FAM222B: variants seen among roughly 807,000 people sequenced by gnomAD.
FAM222B encodes protein FAM222B.
In FAM222B, 12 loss-of-function variants were observed where a neutral mutation model predicts 38.0. The observed-to-expected ratio is 0.32, with a 90% CI of 0.20 to 0.51. The LOEUF (loss-of-function observed/expected upper bound fraction) is 0.51, where lower values mean the gene tolerates loss of function less well. Among genes scored for constraint, FAM222B ranks in the 20% least tolerant of loss-of-function variants. The pLI is 0.97. For missense variants in FAM222B, 716 were observed against 754.2 expected, an observed-to-expected ratio of 0.95 and a Z score of 0.59; for synonymous variants, 329 against 317.2, an observed-to-expected ratio of 1.04 and a Z score of -0.40.
rs375208934 is a variant in FAM222B, at chr17:28,758,987, G to A, written c.972C>T (p.Val324=). 142 of 1,612,312 alleles carry A rather than the reference G, an allele frequency of 8.8e-5. No individual in the cohort carries two copies. The highest frequency in any genetic ancestry group is 1.1e-4 in the Non-Finnish European group (135 of 1,179,268). Residue 324 remains valine, a synonymous_variant, in exon 3 of 3, where the codon GTC becomes GTT. Coordinates refer to ENST00000581407, the MANE Select transcript of FAM222B (RefSeq NM_001077498.3). The part of the protein sequence containing the change: ...SVPTPMPSCV[V]NPMEHTHAAT... ...CCGCGTGGGTGTGCTCCATGGGATTGACCACACATGAAGGCATTGGTGTGG... is the reference window on the plus strand; with the variant it reads ...CCGCGTGGGTGTGCTCCATGGGATTAACCACACATGAAGGCATTGGTGTGG...
chr17:28,851,888 A>C (rs1240325322), intron 1 of FAM222B, among the ~76,000 whole-genome samples: 14 of 151,036 alleles, frequency 9.3e-5, no homozygotes, highest in East Asian at 3.9e-4. Flanking sequence ...AAAAAAAAAA[A>C]ACCAAAAACA....
intron 1 of FAM222B, among the ~76,000 whole-genome samples, chr17:28,782,095 T>C (rs1159695948): frequency 6.6e-6 from 1 of 152,068 alleles, no homozygotes; most frequent in Non-Finnish European, 1.5e-5. Flanking sequence ...GAGCCTGAGA[T>C]GGTAGGATCA....
chr17:28,849,820 G>A (rs2039169374), intron 1 of FAM222B, among the ~76,000 whole-genome samples: 4 of 152,008 alleles, frequency 2.6e-5, no homozygotes, highest in Admixed American at 6.6e-5. Context: ...AGTGGCTCAC[G>A]CCTGTAATCC....
At chr17:28,801,020 T>C (rs2037192439) in intron 1 of FAM222B, among the ~76,000 whole-genome samples, 1 of 148,942 alleles carries the variant, frequency 6.7e-6, no homozygotes, top group South Asian at 2.1e-4. Context: ...TAGCTGGGCG[T>C]GGTGGCAGGC....
rs1268255780 is a variant in FAM222B at position 28,758,182 on chromosome 17, T to C, written c.*88A>G. On this transcript the variant is annotated 3_prime_UTR_variant, in exon 3 of 3. Coordinates refer to ENST00000581407, the MANE Select transcript of FAM222B (RefSeq NM_001077498.3). ...TCTAAGAATGATCACACTGGAGCAGTGAAACTTTGAAACTATCCAGTTACT... is the reference window on the plus strand; with the variant it reads ...TCTAAGAATGATCACACTGGAGCAGCGAAACTTTGAAACTATCCAGTTACT... The C allele has an allele frequency of 8.8e-7, 1 of 1,142,302 alleles. No individual in the cohort carries two copies. The highest frequency in any genetic ancestry group is 1.2e-6 in the Non-Finnish European group (1 of 803,526). The allele number at this position is 1,142,302 out of a possible 1,614,324, so 70.8% of individuals were successfully genotyped here. A position where few individuals can be genotyped will look rare whatever the true frequency, so the allele number is the denominator to read the frequency against.
rs1033343058 is a variant in FAM222B, at chr17:28,779,667, C to T, written c.-40-12960G>A. Among the ~76,000 whole-genome samples the T allele has an allele frequency of 4.6e-5, 7 of 151,990 alleles. No individual in the cohort carries two copies. In the East Asian group the frequency reaches 9.7e-4, roughly 21 times the overall value. On this transcript the variant is annotated intron_variant, in intron 1 of 2. Coordinates refer to ENST00000581407, the MANE Select transcript of FAM222B (RefSeq NM_001077498.3). ...TCTGGAAGCTGAGGCAGGAGAATGG[C>T]GTGAACCCCGGAGGCGGAGCTTGCA...
intron 1 of FAM222B, among the ~76,000 whole-genome samples, chr17:28,790,884 C>CT (rs60664262): frequency 3.0e-4 from 26 of 86,082 alleles, no homozygotes; most frequent in Admixed American, 2.0e-3. Flanking sequence ...AATTGTTTCA[C>CT]TTTTTTTTTT....
At chr17:28,843,241 G>A (rs1479480586), upstream of FAM222B, among the ~76,000 whole-genome samples, 1 of 150,748 alleles carries the variant, frequency 6.6e-6, no homozygotes, top group Non-Finnish European at 1.5e-5. Flanking sequence ...GGGTTCAAGC[G>A]ATTCTCCTGC....
intron 1 of FAM222B, among the ~76,000 whole-genome samples, chr17:28,772,251 T>G (rs2035668463): frequency 6.6e-6 from 1 of 152,114 alleles, no homozygotes; most frequent in African/African-American, 2.4e-5. Flanking sequence ...CTTTGTCTTT[T>G]TTTCTCCTTC....
At chr17:28,815,534 A>C (rs1346561017) in intron 1 of FAM222B, among the ~76,000 whole-genome samples, 2 of 152,138 alleles carry the variant, frequency 1.3e-5, no homozygotes, top group African/African-American at 4.8e-5. Flanking sequence ...CTTTTAAAAA[A>C]TAAAAAAGCG....
At position 28,801,433 on chromosome 17, in the gene FAM222B, G is replaced by A. The variant is rs141114876; in HGVS notation, c.-40-34726C>T. Among the ~76,000 whole-genome samples, 245 of 137,964 alleles carry A rather than the reference G, an allele frequency of 1.8e-3. 2 individuals carry two copies. The East Asian group carries it at 0.045, about 25-fold the overall frequency. The allele number at this position is 137,964 out of a possible 152,430, so 90.5% of individuals were successfully genotyped here. A position where few individuals can be genotyped will look rare whatever the true frequency, so the allele number is the denominator to read the frequency against. On this transcript the variant is annotated intron_variant, in intron 1 of 2. Coordinates refer to ENST00000581407, the MANE Select transcript of FAM222B (RefSeq NM_001077498.3). ...CATGCCACTGCACTCCAGTCTGGGC[G>A]ACAGCGAGACTCCGTCTCAAAAAAA... is the stretch of plus-strand genomic sequence containing the variant.
intron 1 of FAM222B, among the ~76,000 whole-genome samples, chr17:28,822,253 C>T (rs2038252637): frequency 6.6e-6 from 1 of 150,752 alleles, no homozygotes; most frequent in Admixed American, 6.6e-5. Flanking sequence ...ATCTCTTGAC[C>T]TCGTGATCCA....
chr17:28,830,409 C>A (rs2038626156), intron 1 of FAM222B, among the ~76,000 whole-genome samples: 1 of 151,944 alleles, frequency 6.6e-6, no homozygotes, highest in African/African-American at 2.4e-5. Flanking sequence ...ATCCAGCTGC[C>A]TCGGTCTCCC....
chr17:28,830,833 A>T (rs560543398), intron 1 of FAM222B, among the ~76,000 whole-genome samples: 1 of 149,248 alleles, frequency 6.7e-6, no homozygotes, highest in South Asian at 2.1e-4. Context: ...TAAAAAAAAA[A>T]TAAAATAAAA....
At chr17:28,823,685 T>C (rs562412674) in intron 1 of FAM222B, among the ~76,000 whole-genome samples, 166 of 152,284 alleles carry the variant, frequency 1.1e-3, no homozygotes, top group African/African-American at 3.9e-3. Flanking sequence ...ATTCCTTCTC[T>C]TTCAAATTGC....
intron 1 of FAM222B, among the ~76,000 whole-genome samples, chr17:28,836,772 C>G (rs182412864): frequency 2.6e-5 from 4 of 152,120 alleles, no homozygotes; most frequent in Non-Finnish European, 4.4e-5. Flanking sequence ...CAGGGTGTGG[C>G]GCCGGGCTGT....
chr17:28,760,437 G>A (rs564549970), intron 2 of FAM222B, among the ~76,000 whole-genome samples: 5 of 152,046 alleles, frequency 3.3e-5, no homozygotes, highest in Non-Finnish European at 5.9e-5. Context: ...TTAGCCAGGC[G>A]TGATGGCAAG....
chr17:28,820,126 C>T (rs1297339480), intron 1 of FAM222B, among the ~76,000 whole-genome samples: 1 of 152,140 alleles, frequency 6.6e-6, no homozygotes, highest in Non-Finnish European at 1.5e-5. Context: ...TATATACGAT[C>T]CCAGGTGAGG....
chr17:28,809,935 C>A (rs936974328), intron 1 of FAM222B, among the ~76,000 whole-genome samples: 2 of 152,080 alleles, frequency 1.3e-5, no homozygotes, highest in Non-Finnish European at 2.9e-5. Flanking sequence ...AATAGAAGGG[C>A]AAACTTGTTT....
Sources: allele counts gnomAD v4.1 joint callset (sites outside exome capture counted in the v4.1 genomes callset), GRCh38; gene constraint gnomAD v4.1.1; transcripts MANE v1.5; gene names NCBI Gene and HGNC (gene_info 2026-07-23, HGNC 2026-07-21).